IGSF6: variants seen among roughly 807,000 people sequenced by gnomAD.
IGSF6 encodes down-regulated by activation (immunoglobulin superfamily).
IGSF6 carries 23 observed loss-of-function variants against 24.7 expected under a neutral mutation model. That is an observed-to-expected ratio of 0.93 (90% CI 0.67 to 1.32). The LOEUF (loss-of-function observed/expected upper bound fraction) is 1.32, where lower values mean the gene tolerates loss of function less well. IGSF6 is among the 40% of genes most tolerant of loss of function. The pLI is 0.00. For missense variants in IGSF6, 295 were observed against 293.6 expected (o/e 1.00, Z -0.04); for synonymous variants, 110 against 113.7 (o/e 0.97, Z 0.21).
Position 21,643,539 on chromosome 16 carries a change from G to C in IGSF6, c.585+9C>G. 1.3e-6 allele frequency: 2 copies of C among 1,569,266 alleles called. No individual in the cohort carries two copies. The highest frequency in any genetic ancestry group is 1.7e-6 in the Non-Finnish European group (2 of 1,143,126). Reference sequence around the variant, plus strand: ...ATTTAAAAAATATTTTTCAAGTGTTGGTCTGTACCTTTTGTGAGTCTTCTT... The same window carrying C: ...ATTTAAAAAATATTTTTCAAGTGTTCGTCTGTACCTTTTGTGAGTCTTCTT... On this transcript the variant is annotated intron_variant, in intron 4 of 5. Coordinates refer to ENST00000268389, the MANE Select transcript of IGSF6 (RefSeq NM_005849.4).
rs1294875336 is a variant in IGSF6, at chr16:21,641,027, T to C, written c.*507A>G. ...ATGATGTAAGTTACTTTGCATACCC[T>C]GGCAGGCAAATGTGCGTTACCCCAC... On this transcript the variant is annotated 3_prime_UTR_variant, in exon 6 of 6. Transcript: ENST00000268389. 1 of 152,346 alleles carries C rather than the reference T, an allele frequency of 6.6e-6. No individual in the cohort carries two copies. Among genetic ancestry groups the C allele is most frequent in the African/African-American group, 2.4e-5 (1 of 41,436 alleles). 9.4% of individuals were successfully genotyped at this position (152,346 alleles called of 1,614,324 possible). A position where few individuals can be genotyped will look rare whatever the true frequency, so the allele number is the denominator to read the frequency against.
intron 5 of IGSF6, 87 bp from the exon 6 acceptor site, chr16:21,641,680 A>G (rs1363267257): frequency 8.3e-6 from 6 of 726,250 alleles, no homozygotes; most frequent in Admixed American, 2.7e-5. Context: ...CCACTGGGCC[A>G]TCTTGGATTC....
chr16:21,643,659 A>T (rs904346881), intron 3 of IGSF6, 61 bp from the exon 4 acceptor site: 1 of 1,072,362 alleles, frequency 9.3e-7, no homozygotes, highest in Admixed American at 2.0e-5. Context: ...ATGGTGGCAG[A>T]TATCTCATGC....
intron 1 of IGSF6, 133 bp downstream of exon 1, chr16:21,652,399 T>A: frequency 1.7e-6 from 1 of 583,444 alleles, no homozygotes; most frequent in Non-Finnish European, 2.9e-6. Flanking sequence ...AAAGGAAACT[T>A]ATCCTCTTAG....
Position 21,647,189 on chromosome 16 carries a change from C to G in IGSF6, c.371G>C (p.Ser124Thr). 1 of 1,614,198 alleles carries G rather than the reference C, an allele frequency of 6.2e-7. No individual in the cohort carries two copies. Among genetic ancestry groups the G allele is most frequent in the Non-Finnish European group, 8.5e-7 (1 of 1,180,024 alleles). The stretch of plus-strand genomic sequence containing the variant: ...CTGTTTAGCTCTCGCTTCCGGCACA[C>G]TGGGGAATGCTATTCCACAGATGTA... ...AIYICGIAFP[S>T]VPEARAKQTG... Residue 124 changes from serine (S) to threonine (T), a missense_variant, in exon 2 of 6, where the codon AGT becomes ACT. Ser to Thr is a moderately conservative substitution (Grantham distance 58). Transcript: ENST00000268389.
chr16:21,652,422 ATGT>A (rs1482139137), intron 1 of IGSF6, 107 bp downstream of exon 1: 12 of 785,964 alleles, frequency 1.5e-5, no homozygotes, highest in Non-Finnish European at 4.1e-6. Flanking sequence ...AGTTTTCATA[ATGT>A]TATACATTTA....
At chr16:21,649,389 A>G (rs1966511981) in intron 1 of IGSF6, among the ~76,000 whole-genome samples, 1 of 152,162 alleles carries the variant, frequency 6.6e-6, no homozygotes. Context: ...AAGAGGGTGC[A>G]GTCACCTGGA....
chr16:21,644,423 C>G (rs769724125), intron 2 of IGSF6, 27 bp from the exon 3 acceptor site: 26 of 1,474,820 alleles, frequency 1.8e-5, no homozygotes, highest in Middle Eastern at 1.7e-4. Context: ...GAAAGAAGCA[C>G]ATTGACTATT....
chr16:21,643,281 T>A, intron 4 of IGSF6, 127 bp from the exon 5 acceptor site: 1 of 705,872 alleles, frequency 1.4e-6, no homozygotes, highest in Non-Finnish European at 2.5e-6. Flanking sequence ...CCAACACATA[T>A]GTGCCTACAG....
intron 2 of IGSF6, chr16:21,646,896 T>TTAGTC (rs1210371332): frequency 2.6e-5 from 13 of 507,966 alleles, no homozygotes; most frequent in Middle Eastern, 3.6e-4. Flanking sequence ...CCTCAAGTGA[T>TTAGTC]TCGTCCACCT....
chr16:21,640,026 C>T lies in IGSF6; in HGVS notation c.*1508G>A, dbSNP rs1480770677. 2.0e-5 allele frequency: 3 copies of T among 152,118 alleles called. No homozygotes were observed. Among genetic ancestry groups the T allele is most frequent in the African/African-American group, 7.2e-5 (3 of 41,404 alleles). The allele number at this position is 152,118 out of a possible 1,614,324, so 9.4% of individuals were successfully genotyped here. On this transcript the variant is annotated 3_prime_UTR_variant, in exon 6 of 6. Coordinates refer to ENST00000268389, the MANE Select transcript of IGSF6 (RefSeq NM_005849.4). Reference sequence around the variant, plus strand: ...TGATCTCAGCTCACTGCAACCTCCGCATCCTGGGTTCAAGTGATCTCCTGC... The same window carrying T: ...TGATCTCAGCTCACTGCAACCTCCGTATCCTGGGTTCAAGTGATCTCCTGC...
At chr16:21,644,431 A>G (rs762863042) in intron 2 of IGSF6, 35 bp from the exon 3 acceptor site, 6 of 1,408,866 alleles carry the variant, frequency 4.3e-6, no homozygotes, top group South Asian at 1.2e-5. Flanking sequence ...CACATTGACT[A>G]TTAAAGCCTA....
In IGSF6 at chr16:21,640,353, A is replaced by G. The variant is rs1351635398; in HGVS notation, c.*1181T>C. The G allele has an allele frequency of 6.6e-6, 1 of 152,136 alleles. No individual in the cohort carries two copies. The highest frequency in any genetic ancestry group is 1.5e-5 in the Non-Finnish European group (1 of 68,026). 9.4% of individuals were successfully genotyped at this position (152,136 alleles called of 1,614,324 possible). ...TTTTTTTATACCAAAGTAGCTTTCA[A>G]AGGACAATTTATATCATGTTTTCTT... On this transcript the variant is annotated 3_prime_UTR_variant, in exon 6 of 6. Coordinates refer to ENST00000268389, the MANE Select transcript of IGSF6 (RefSeq NM_005849.4).
rs567407623 is a variant in IGSF6 at position 21,650,427 on chromosome 16, G to C, written c.67+2105C>G. On this transcript the variant is annotated intron_variant, in intron 1 of 5. Transcript: ENST00000268389. ...GGAGGCTGAAGCAGGAGAATCGCTT[G>C]AACGTAGGAGGTGGAGGTTGCAGTG... 2.7e-3 allele frequency among the ~76,000 whole-genome samples: 408 copies of C among 149,870 alleles called. 2 individuals carry two copies. Among genetic ancestry groups the C allele is most frequent in the African/African-American group, 9.5e-3 (387 of 40,786 alleles).
chr16:21,640,012 CA>C lies in IGSF6; in HGVS notation c.*1521del, dbSNP rs563053094. ...GGGGTGCAGTGGCGTGATCTCAGCTCACTGCAACCTCCGCATCCTGGGTTCA... is the reference window on the plus strand; with the variant it reads ...GGGGTGCAGTGGCGTGATCTCAGCTCCTGCAACCTCCGCATCCTGGGTTCA... On this transcript the variant is annotated 3_prime_UTR_variant, in exon 6 of 6. Transcript: ENST00000268389. 6 of 152,074 alleles carry C rather than the reference CA, an allele frequency of 3.9e-5. No individual in the cohort carries two copies. The highest frequency in any genetic ancestry group is 7.3e-5 in the Non-Finnish European group (5 of 68,038). 9.4% of individuals were successfully genotyped at this position (152,074 alleles called of 1,614,324 possible). A position where few individuals can be genotyped will look rare whatever the true frequency, so the allele number is the denominator to read the frequency against.
chr16:21,644,507 C>G, intron 2 of IGSF6, 111 bp from the exon 3 acceptor site: 1 of 695,494 alleles, frequency 1.4e-6, no homozygotes, highest in Non-Finnish European at 2.5e-6. Context: ...TGAACTTACT[C>G]TGCTTGCCTA....
At chr16:21,643,192 G>A in intron 4 of IGSF6, 38 bp from the exon 5 acceptor site, 1 of 1,463,272 alleles carries the variant, frequency 6.8e-7, no homozygotes, top group Non-Finnish European at 9.5e-7. Flanking sequence ...TCTCTTTTGG[G>A]AATATAAGCG....
At position 21,650,290 on chromosome 16, in the gene IGSF6, T is replaced by C. The variant is rs1228096891; in HGVS notation, c.67+2242A>G. 2.0e-5 allele frequency among the ~76,000 whole-genome samples: 3 copies of C among 152,038 alleles called. No individual in the cohort carries two copies. The East Asian group carries it at 5.8e-4, about 29-fold the overall frequency. ...GGGATGCCGAGGCGGGCAGATCACC[T>C]GAGGTCAGGCGTTCGAGACTAGCCT... is the stretch of plus-strand genomic sequence containing the variant. On this transcript the variant is annotated intron_variant, in intron 1 of 5. Transcript: ENST00000268389.
chr16:21,641,587 C>A lies in IGSF6; in HGVS notation c.673G>T (p.Asp225Tyr). 6.4e-7 allele frequency: 1 copy of A among 1,568,778 alleles called. No homozygotes were observed. Among genetic ancestry groups the A allele is most frequent in the Non-Finnish European group, 8.8e-7 (1 of 1,141,818 alleles). ...HVETNQQSEKDNNTYENRRVL... is the reference protein window; with the variant it reads ...HVETNQQSEKYNNTYENRRVL... The stretch of plus-strand genomic sequence containing the variant: ...CTTCTGTTTTCATAAGTGTTGTTAT[C>A]TTTCTCCTGCAATAATAAATAAATA... Residue 225 changes from aspartate to tyrosine, a missense_variant, in exon 6 of 6, where the codon GAT becomes TAT. Asp to Tyr is a radical substitution (Grantham distance 160). Coordinates refer to ENST00000268389, the MANE Select transcript of IGSF6 (RefSeq NM_005849.4).
Sources: allele counts gnomAD v4.1 joint callset (sites outside exome capture counted in the v4.1 genomes callset), GRCh38; gene constraint gnomAD v4.1.1; transcripts MANE v1.5; gene names NCBI Gene and HGNC (gene_info 2026-07-23, HGNC 2026-07-21).